ARID4B: variants seen among roughly 807,000 people sequenced by gnomAD.
ARID4B encodes the protein AT-rich interactive domain-containing protein 4B.
In ARID4B, 26 loss-of-function variants were observed where a neutral mutation model predicts 147.5. The observed-to-expected ratio is 0.18, with a 90% CI of 0.13 to 0.24. ARID4B has a LOEUF of 0.24. Among genes scored for constraint, ARID4B ranks in the 10% least tolerant of loss-of-function variants. ARID4B has a pLI of 1.00. For missense variants in ARID4B, 1,179 were observed against 1,511.5 expected (o/e 0.78, Z 3.65); for synonymous variants, 512 against 507.9 (o/e 1.01, Z -0.11).
At chr1:235,303,483 A>T (rs61836169) in intron 2 of ARID4B, among the ~76,000 whole-genome samples, 1 of 151,618 alleles carries the variant, frequency 6.6e-6, no homozygotes, top group African/African-American at 2.4e-5. Context: ...CAGCACTTTG[A>T]GGGGCCAAGG....
At chr1:235,174,950 A>G (rs1200153077) in intron 22 of ARID4B, among the ~76,000 whole-genome samples, 1 of 151,970 alleles carries the variant, frequency 6.6e-6, no homozygotes, top group Non-Finnish European at 1.5e-5. Flanking sequence ...CTAAACACAC[A>G]AAAAAATTAG....
chr1:235,320,320 A>C (rs983853992), intron 2 of ARID4B, among the ~76,000 whole-genome samples: 14 of 152,028 alleles, frequency 9.2e-5, no homozygotes, highest in Admixed American at 6.6e-5. Context: ...AAAAGGAGGG[A>C]GGGCACTTGT....
intron 7 of ARID4B, among the ~76,000 whole-genome samples, chr1:235,244,154 A>G (rs1362435987): frequency 6.6e-6 from 1 of 152,182 alleles, no homozygotes; most frequent in Non-Finnish European, 1.5e-5. Context: ...TATTGGGTAA[A>G]TCTTAGCACT....
At chr1:235,320,282 G>T (rs982273678) in intron 2 of ARID4B, among the ~76,000 whole-genome samples, 1 of 152,128 alleles carries the variant, frequency 6.6e-6, no homozygotes. Context: ...TCCAGCCTAG[G>T]CAACAGAGAG....
intron 2 of ARID4B, among the ~76,000 whole-genome samples, chr1:235,264,283 C>T (rs551022097): frequency 2.0e-5 from 3 of 152,234 alleles, no homozygotes; most frequent in Admixed American, 6.5e-5. Flanking sequence ...AGTTTTGAGA[C>T]ATATATAATC....
chr1:235,266,170 G>A (rs1190679624), intron 2 of ARID4B, among the ~76,000 whole-genome samples: 1 of 151,980 alleles, frequency 6.6e-6, no homozygotes, highest in Non-Finnish European at 1.5e-5. Context: ...AGTGTATCAC[G>A]ACCCCTTAGT....
rs1387631288 is a variant in ARID4B, at chr1:235,182,241, C to A, written c.2678G>T (p.Gly893Val). The change falls in exon 20 of 24, where the codon GGT (glycine) becomes GTT (valine). Residue 893 changes from glycine (G) to valine (V), a missense_variant. Coordinates refer to ENST00000264183, the MANE Select transcript of ARID4B (RefSeq NM_016374.6). Reference protein sequence around the residue: ...EEKRKSLRTTGFYSGFSEVAE... With the variant: ...EEKRKSLRTTVFYSGFSEVAE... ...CACTTCTGAAAATCCTGAATAGAAA[C>A]CAGTTGTCCGTAGAGATTTTCTTTT... 6.2e-7 allele frequency: 1 copy of A among 1,613,246 alleles called. No individual in the cohort carries two copies. The highest frequency in any genetic ancestry group is 1.1e-5 in the South Asian group (1 of 90,876).
intron 12 of ARID4B, among the ~76,000 whole-genome samples, 163 bp from the exon 13 acceptor site, chr1:235,223,423 A>G (rs1235413651): frequency 0.085 from 4,350 of 51,446 alleles, 266 homozygotes; most frequent in African/African-American, 0.21. Context: ...ATATATATGT[A>G]TATATATATA....
intron 10 of ARID4B, among the ~76,000 whole-genome samples, chr1:235,230,603 A>AAC (rs1668144761): frequency 2.3e-5 from 3 of 128,138 alleles, no homozygotes; most frequent in South Asian, 2.8e-4. Flanking sequence ...CTAAAAAAAA[A>AAC]AAAAAAAAAA....
intron 2 of ARID4B, among the ~76,000 whole-genome samples, chr1:235,291,640 G>A (rs2382615): frequency 0.47 from 70,689 of 151,528 alleles, 16,787 homozygotes; most frequent in South Asian, 0.6. Context: ...ATTTGAGACT[G>A]GCCTGGCCAA....
chr1:235,305,848 T>C (rs1355341234), intron 2 of ARID4B, among the ~76,000 whole-genome samples: 1 of 152,080 alleles, frequency 6.6e-6, no homozygotes, highest in East Asian at 1.9e-4. Context: ...TACTCCCAGC[T>C]ACTCAGGAGG....
chr1:235,170,696 C>T (rs1246190607), intron 23 of ARID4B, among the ~76,000 whole-genome samples: 3 of 151,930 alleles, frequency 2.0e-5, no homozygotes, highest in Admixed American at 6.6e-5. Flanking sequence ...CAAGATTGCA[C>T]CACTACACTC....
intron 2 of ARID4B, among the ~76,000 whole-genome samples, chr1:235,267,044 G>A (rs529689933): frequency 3.2e-4 from 49 of 152,318 alleles, no homozygotes; most frequent in African/African-American, 8.9e-4. Context: ...TTGGGAGCCC[G>A]AGGTGTGTAG....
At chr1:235,176,437 CAA>C (rs34808765) in intron 21 of ARID4B, among the ~76,000 whole-genome samples, 1,904 of 21,634 alleles carry the variant, frequency 0.088, 2 homozygotes, top group Non-Finnish European at 0.14. Flanking sequence ...ACAACATCAC[CAA>C]AAAAAAAAAA....
intron 22 of ARID4B, among the ~76,000 whole-genome samples, chr1:235,173,772 ATATATATATATATATATATATATATATAT>A (rs1663606437): frequency 1.4e-4 from 2 of 14,684 alleles, no homozygotes; most frequent in African/African-American, 2.8e-4. Context: ...AAAAAAAAAA[ATATATATATATATATATATATATATATAT>A]ATATATATAT....
chr1:235,234,584 T>C, intron 8 of ARID4B, 92 bp from the exon 9 acceptor site: 1 of 922,170 alleles, frequency 1.1e-6, no homozygotes, highest in Non-Finnish European at 1.6e-6. Flanking sequence ...AGTGTAAGCT[T>C]GAAGTTTAAA....
chr1:235,252,657 G>A, intron 6 of ARID4B, 73 bp downstream of exon 6: 1 of 1,334,616 alleles, frequency 7.5e-7, no homozygotes, highest in Non-Finnish European at 1.1e-6. Context: ...GGTTTACTGA[G>A]TTGAGAAAGC....
intron 8 of ARID4B, among the ~76,000 whole-genome samples, chr1:235,236,833 A>AATATATATATATATATATATAT (rs1553299956): frequency 3.0e-5 from 1 of 33,522 alleles, no homozygotes. Flanking sequence ...TTTTATAAAA[A>AATATATATATATATATATATAT]ATATATATAT....
chr1:235,265,405 T>C (rs966043410), intron 2 of ARID4B, among the ~76,000 whole-genome samples: 10 of 145,798 alleles, frequency 6.9e-5, no homozygotes, highest in African/African-American at 2.3e-4. Context: ...TAATTAAGAG[T>C]ATAGGTTCCC....
Sources: allele counts gnomAD v4.1 joint callset (sites outside exome capture counted in the v4.1 genomes callset), GRCh38; gene constraint gnomAD v4.1.1; transcripts MANE v1.5; gene names NCBI Gene and HGNC (gene_info 2026-07-23, HGNC 2026-07-21).